CDK14: variants seen among roughly 807,000 people sequenced by gnomAD.
CDK14 encodes the protein cyclin-dependent kinase 14.
Under a neutral mutation model 60.7 loss-of-function variants are expected in CDK14, and 34 were observed. That is an observed-to-expected ratio of 0.56 (90% CI 0.43 to 0.75). CDK14 has a LOEUF of 0.75. Among genes scored for constraint, CDK14 ranks in the 30% least tolerant of loss-of-function variants. The pLI is 0.00. For synonymous variants in CDK14, 197 were observed against 203.7 expected (o/e 0.97, Z 0.28); for missense variants, 482 against 564.1 (o/e 0.85, Z 1.47).
At chr7:90,856,518 T>C (rs1218228904) in intron 5 of CDK14, among the ~76,000 whole-genome samples, 1 of 152,182 alleles carries the variant, frequency 6.6e-6, no homozygotes, top group Non-Finnish European at 1.5e-5. Context: ...CAGCATGCAT[T>C]ATAGAACCAT....
At chr7:91,061,251 C>G (rs1262565946) in intron 11 of CDK14, among the ~76,000 whole-genome samples, 1 of 152,220 alleles carries the variant, frequency 6.6e-6, no homozygotes, top group Non-Finnish European at 1.5e-5. Flanking sequence ...TCAGCTCCAT[C>G]AGGTCCTTTA....
Position 90,618,856 on chromosome 7 carries a change from T to TTATATC in CDK14, c.123+14607_123+14608insTATATC, listed in dbSNP as rs143730200. 3.1e-3 allele frequency among the ~76,000 whole-genome samples: 478 copies of TTATATC among 152,350 alleles called. 5 individuals carry two copies. The highest frequency in any genetic ancestry group is 0.011 in the African/African-American group (442 of 41,590). ...GAAAGAGTGATTTTAGATTCTTTTC[T>TTATATC]GATACCATTTGGACTCAGAAGTAGG... On this transcript the variant is annotated intron_variant, in intron 2 of 14. Transcript: ENST00000380050.
intron 2 of CDK14, among the ~76,000 whole-genome samples, chr7:90,700,674 A>G (rs534471963): frequency 6.6e-6 from 1 of 152,078 alleles, no homozygotes; most frequent in African/African-American, 2.4e-5. Flanking sequence ...TGCATCTCCA[A>G]CCCCCAGCAT....
At chr7:90,806,885 G>A (rs1788866237) in intron 5 of CDK14, among the ~76,000 whole-genome samples, 2 of 152,216 alleles carry the variant, frequency 1.3e-5, no homozygotes, top group African/African-American at 2.4e-5. Flanking sequence ...ACAGCAGTCT[G>A]AGGTCAAACT....
At chr7:91,042,684 T>G (rs773834891) in intron 10 of CDK14, among the ~76,000 whole-genome samples, 6 of 152,240 alleles carry the variant, frequency 3.9e-5, no homozygotes, top group Admixed American at 1.3e-4. Context: ...TGAACCTGCT[T>G]ATTTACAGAG....
intron 14 of CDK14, among the ~76,000 whole-genome samples, chr7:91,203,348 A>G (rs747162505): frequency 9.2e-5 from 14 of 152,080 alleles, no homozygotes; most frequent in Non-Finnish European, 1.8e-4. Flanking sequence ...TCATTCAACA[A>G]CTGTATATTG....
intron 5 of CDK14, among the ~76,000 whole-genome samples, chr7:90,820,860 A>G (rs1789521588): frequency 6.6e-6 from 1 of 152,152 alleles, no homozygotes; most frequent in African/African-American, 2.4e-5. Flanking sequence ...GCTCCAGACC[A>G]CGTATCCCAA....
chr7:90,746,129 T>A (rs1803581344), intron 3 of CDK14, among the ~76,000 whole-genome samples: 1 of 152,226 alleles, frequency 6.6e-6, no homozygotes, highest in African/African-American at 2.4e-5. Flanking sequence ...TTAATAGTCT[T>A]CCCCTACATG....
Position 90,715,378 on chromosome 7 carries a change from A to G in CDK14, c.124-11189A>G, listed in dbSNP as rs536324316. On this transcript the variant is annotated intron_variant, in intron 2 of 14. Coordinates refer to ENST00000380050, the MANE Select transcript of CDK14 (RefSeq NM_001287135.2). ...GAAAGCGTCCTGGACCATATTATTG[A>G]TTTCAAGTCTATGAATCTGAGATCA... 2.0e-5 allele frequency among the ~76,000 whole-genome samples: 3 copies of G among 152,144 alleles called. No homozygotes were observed. In the East Asian group the frequency reaches 5.8e-4, roughly 29 times the overall value.
At chr7:91,057,018 C>T (rs1797594626) in intron 11 of CDK14, among the ~76,000 whole-genome samples, 1 of 152,046 alleles carries the variant, frequency 6.6e-6, no homozygotes, top group Admixed American at 6.5e-5. Flanking sequence ...AGTTTACAGT[C>T]CCACCAACAG....
intron 14 of CDK14, among the ~76,000 whole-genome samples, chr7:91,196,849 C>CT (rs1802558281): frequency 6.6e-6 from 1 of 152,228 alleles, no homozygotes; most frequent in African/African-American, 2.4e-5. Flanking sequence ...AGGCTGCTGG[C>CT]TCAGTTCCCA....
At chr7:90,650,402 G>A (rs549474568) in intron 2 of CDK14, among the ~76,000 whole-genome samples, 1 of 152,172 alleles carries the variant, frequency 6.6e-6, no homozygotes, top group South Asian at 2.1e-4. Context: ...CTCCCATTCT[G>A]GAGGTTGCCT....
intron 9 of CDK14, among the ~76,000 whole-genome samples, chr7:90,961,177 C>G (rs572632015): frequency 2.0e-5 from 3 of 152,126 alleles, no homozygotes; most frequent in East Asian, 3.9e-4. Flanking sequence ...AGAGCAACTC[C>G]AAAACACAAA....
intron 12 of CDK14, among the ~76,000 whole-genome samples, chr7:91,094,135 A>G (rs1211089373): frequency 6.6e-6 from 1 of 152,142 alleles, no homozygotes; most frequent in Admixed American, 6.6e-5. Flanking sequence ...CAATTTACCC[A>G]TGTAACAAAC....
intron 10 of CDK14, among the ~76,000 whole-genome samples, chr7:90,995,093 C>T (rs1795644355): frequency 6.6e-6 from 1 of 152,118 alleles, no homozygotes; most frequent in Non-Finnish European, 1.5e-5. Context: ...GGCTGGACCT[C>T]GTTACTCACT....
chr7:91,144,735 C>T (rs1024181068), intron 14 of CDK14, among the ~76,000 whole-genome samples: 2 of 151,836 alleles, frequency 1.3e-5, no homozygotes, highest in African/African-American at 4.8e-5. Flanking sequence ...GAGCAAGTGT[C>T]CAAAAAGGGG....
chr7:90,673,397 A>G (rs1328371432), intron 2 of CDK14, among the ~76,000 whole-genome samples: 1 of 152,138 alleles, frequency 6.6e-6, no homozygotes, highest in Non-Finnish European at 1.5e-5. Context: ...TTCAAAACTG[A>G]ATGGGAACCT....
At chr7:91,139,901 A>AC (rs1414986372) in intron 14 of CDK14, among the ~76,000 whole-genome samples, 1 of 119,930 alleles carries the variant, frequency 8.3e-6, no homozygotes, top group Non-Finnish European at 1.8e-5. Flanking sequence ...TTTTCCGTTC[A>AC]TTTCTTTCTT....
At chr7:91,095,621 C>A (rs1230783077) in intron 12 of CDK14, among the ~76,000 whole-genome samples, 1 of 152,120 alleles carries the variant, frequency 6.6e-6, no homozygotes, top group Non-Finnish European at 1.5e-5. Context: ...TTTAACAAAT[C>A]ATGATTCAGC....
Sources: allele counts gnomAD v4.1 joint callset (sites outside exome capture counted in the v4.1 genomes callset), GRCh38; gene constraint gnomAD v4.1.1; transcripts MANE v1.5; gene names NCBI Gene and HGNC (gene_info 2026-07-23, HGNC 2026-07-21).